Variants in NXN observed in about 807,000 individuals in gnomAD.
NXN encodes nucleoredoxin 1.
Under a neutral mutation model 48.6 loss-of-function variants are expected in NXN, and 16 were observed. The ratio of observed to expected loss-of-function variants is 0.33; its 90% CI spans 0.22 to 0.50. The LOEUF is 0.50. NXN is among the 20% of genes least tolerant of loss of function. NXN has a pLI of 0.98. For missense variants in NXN, 492 were observed against 605.5 expected (o/e 0.81, Z 1.97); for synonymous variants, 281 against 269.6 (o/e 1.04, Z -0.41).
intron 1 of NXN, chr17:879,939 A>T (rs2068265664): frequency 6.6e-6 from 1 of 152,204 alleles, no homozygotes; most frequent in African/African-American, 2.4e-5. Flanking sequence ...CCGAGAAGAA[A>T]GTGACAAACA....
chr17:923,043 C>G lies in NXN; in HGVS notation c.360+56276G>C, dbSNP rs527710005. Among the ~76,000 whole-genome samples the G allele has an allele frequency of 4.5e-4, 69 of 152,252 alleles. No individual in the cohort carries two copies. The South Asian group carries it at 0.014, about 32-fold the overall frequency. ...ATCTCCTCCCTACTTCTCACTTCAACTCGACTTACTCACCTCCCAAGTTCT... is the reference window on the plus strand; with the variant it reads ...ATCTCCTCCCTACTTCTCACTTCAAGTCGACTTACTCACCTCCCAAGTTCT... On this transcript the variant is annotated intron_variant, in intron 1 of 7. Coordinates refer to ENST00000336868, the MANE Select transcript of NXN (RefSeq NM_022463.5).
intron 5 of NXN, among the ~76,000 whole-genome samples, chr17:806,744 C>T (rs1256660307): frequency 6.6e-6 from 1 of 152,178 alleles, no homozygotes; most frequent in Non-Finnish European, 1.5e-5. Context: ...AGACATATGG[C>T]CCTCGTGTTT....
At chr17:812,119 G>A (rs1912076240) in intron 5 of NXN, among the ~76,000 whole-genome samples, 1 of 150,432 alleles carries the variant, frequency 6.6e-6, no homozygotes, top group African/African-American at 2.5e-5. Context: ...AATAGAGACG[G>A]GGTTTCACCG....
Position 869,976 on chromosome 17 carries a change from C to T in NXN, c.361-43898G>A, listed in dbSNP as rs537640186. On this transcript the variant is annotated intron_variant, in intron 1 of 7. Coordinates refer to ENST00000336868, the MANE Select transcript of NXN (RefSeq NM_022463.5). The stretch of plus-strand genomic sequence containing the variant: ...TTGCCTTAAGCCGGCAGTTTTCAAC[C>T]GGGGGGTGGTTGTGCTTCCCACGGG... 1.5e-3 allele frequency among the ~76,000 whole-genome samples: 224 copies of T among 152,240 alleles called. 1 individual carries two copies. The highest frequency in any genetic ancestry group is 4.4e-3 in the South Asian group (21 of 4,824).
chr17:904,319 A>G (rs617081), intron 1 of NXN, among the ~76,000 whole-genome samples: 127,838 of 152,106 alleles, frequency 0.84, 53,928 homozygotes, highest in East Asian at 0.91. Context: ...TCCATCCGAC[A>G]GACTGGCCCC....
In NXN at chr17:973,309, C is replaced by A. The variant is rs143491024; in HGVS notation, c.360+6010G>T. Among the ~76,000 whole-genome samples, 49 of 152,294 alleles carry A rather than the reference C, an allele frequency of 3.2e-4. No homozygotes were observed. In the East Asian group the frequency reaches 9.5e-3, roughly 29 times the overall value. ...GTTTCTACAGCTCCAGAGATGAGCA[C>A]CCTCCATTTCCCACGCGAAACAGCA... On this transcript the variant is annotated intron_variant, in intron 1 of 7. Coordinates refer to ENST00000336868, the MANE Select transcript of NXN (RefSeq NM_022463.5).
intron 1 of NXN, among the ~76,000 whole-genome samples, chr17:832,916 G>A (rs1200498699): frequency 6.6e-6 from 1 of 150,468 alleles, no homozygotes; most frequent in African/African-American, 2.5e-5. Context: ...TCTTTGAGAC[G>A]GAGTCTCGCT....
At chr17:971,993 C>T (rs1257982610) in intron 1 of NXN, among the ~76,000 whole-genome samples, 2 of 152,024 alleles carry the variant, frequency 1.3e-5, no homozygotes, top group Non-Finnish European at 2.9e-5. Context: ...TGGTGAAACC[C>T]TGTCTCTATT....
intron 1 of NXN, among the ~76,000 whole-genome samples, chr17:861,171 T>C (rs951602425): frequency 1.3e-5 from 2 of 152,194 alleles, no homozygotes; most frequent in African/African-American, 4.8e-5. Flanking sequence ...TTTCACTCTG[T>C]CGCCTGCGCT....
At chr17:888,962 C>CA (rs71145786) in intron 1 of NXN, among the ~76,000 whole-genome samples, 2,329 of 101,306 alleles carry the variant, frequency 0.023, 45 homozygotes, top group African/African-American at 0.049. Context: ...AACTCCATCT[C>CA]AAAAAAAAAA....
chr17:901,677 T>C (rs478764), intron 1 of NXN, among the ~76,000 whole-genome samples: 125,898 of 152,186 alleles, frequency 0.83, 52,399 homozygotes, highest in Middle Eastern at 0.9. Context: ...AAGTCTCTCC[T>C]TCAGCTTGCT....
intron 1 of NXN, among the ~76,000 whole-genome samples, chr17:840,575 G>A (rs932670290): frequency 3.3e-5 from 5 of 152,084 alleles, no homozygotes; most frequent in African/African-American, 9.7e-5. Context: ...TCCTGACCTC[G>A]TGATCCGCCC....
At chr17:832,983 T>G (rs9901706) in intron 1 of NXN, among the ~76,000 whole-genome samples, 1 of 151,872 alleles carries the variant, frequency 6.6e-6, no homozygotes, top group Non-Finnish European at 1.5e-5. Context: ...CTCCGCCTCC[T>G]GGGTTCACAC....
At chr17:938,456 C>T (rs1036273409) in intron 1 of NXN, among the ~76,000 whole-genome samples, 3 of 149,800 alleles carry the variant, frequency 2.0e-5, no homozygotes, top group Non-Finnish European at 2.9e-5. Context: ...CTGAGGCAGG[C>T]GGATCACGAG....
intron 1 of NXN, among the ~76,000 whole-genome samples, chr17:963,372 G>A (rs1202072470): frequency 1.3e-5 from 2 of 152,054 alleles, no homozygotes; most frequent in Non-Finnish European, 2.9e-5. Context: ...GGAGGCCAAG[G>A]CAGGTGGATC....
At position 800,701 on chromosome 17, in the gene NXN, T is replaced by C; in HGVS notation, c.*248A>G. On this transcript the variant is annotated 3_prime_UTR_variant, in exon 8 of 8. Transcript: ENST00000336868. ...CTTTGCGAAAGCCATGCAGCCCCGC[T>C]CTGGCCGGGCCCCCGGCCATCCCGT... The C allele has an allele frequency of 2.9e-6, 1 of 343,808 alleles. No homozygotes were observed. The highest frequency in any genetic ancestry group is 1.4e-4 in the South Asian group (1 of 7,314). 21.3% of individuals were successfully genotyped at this position (343,808 alleles called of 1,614,324 possible).
chr17:884,646 C>T (rs915947654), intron 1 of NXN, among the ~76,000 whole-genome samples: 2 of 152,144 alleles, frequency 1.3e-5, no homozygotes, highest in Admixed American at 6.5e-5. Context: ...CCCATCCACC[C>T]GACTTTCTAG....
Position 943,014 on chromosome 17 carries a change from T to C in NXN, c.360+36305A>G, listed in dbSNP as rs374448648. On this transcript the variant is annotated intron_variant, in intron 1 of 7. Coordinates refer to ENST00000336868, the MANE Select transcript of NXN (RefSeq NM_022463.5). Reference sequence around the variant, plus strand: ...ACATCACACCTTCCTGGATTTACAGTGAACAAGATTCCAGGGTGCAGCCAT... The same window carrying C: ...ACATCACACCTTCCTGGATTTACAGCGAACAAGATTCCAGGGTGCAGCCAT... Among the ~76,000 whole-genome samples, 41 of 138,966 alleles carry C rather than the reference T, an allele frequency of 3.0e-4. 2 individuals carry two copies. The highest frequency in any genetic ancestry group is 1.5e-3 in the East Asian group (7 of 4,574). The allele number at this position is 138,966 out of a possible 152,430, so 91.2% of individuals were successfully genotyped here. A position where few individuals can be genotyped will look rare whatever the true frequency, so the allele number is the denominator to read the frequency against.
intron 1 of NXN, chr17:896,970 C>A (rs577750526): frequency 2.6e-5 from 31 of 1,191,198 alleles, no homozygotes; most frequent in Admixed American, 8.0e-5. Flanking sequence ...TGCAGTGACG[C>A]CTCTCCTAGG....
Sources: allele counts gnomAD v4.1 joint callset (sites outside exome capture counted in the v4.1 genomes callset), GRCh38; gene constraint gnomAD v4.1.1; transcripts MANE v1.5; gene names NCBI Gene and HGNC (gene_info 2026-07-23, HGNC 2026-07-21).